The following TEFM variants were observed in gnomAD, a reference collection of about 807,000 sequenced individuals.
The protein encoded by TEFM is transcription elongation factor of mitochondria.
In TEFM, 14 loss-of-function variants were observed where a neutral mutation model predicts 23.0. The observed-to-expected ratio is 0.61, with a 90% CI of 0.40 to 0.95. TEFM has a LOEUF of 0.95. Ranked by LOEUF, TEFM falls within the 40% of genes least tolerant of loss-of-function variation. The pLI is 0.00. For missense variants in TEFM, 386 were observed against 425.5 expected (o/e 0.91, Z 0.82); for synonymous variants, 155 against 158.3 (o/e 0.98, Z 0.16).
At chr17:30,903,572 G>C (rs1910094727) in intron 2 of TEFM, among the ~76,000 whole-genome samples, 1 of 144,214 alleles carries the variant, frequency 6.9e-6, no homozygotes, top group Non-Finnish European at 1.5e-5. Flanking sequence ...AAGATAAAAT[G>C]CTTTTTAAAG....
At chr17:30,901,671 A>G (rs1237255741) in intron 2 of TEFM, among the ~76,000 whole-genome samples, 1 of 152,208 alleles carries the variant, frequency 6.6e-6, no homozygotes, top group Non-Finnish European at 1.5e-5. Flanking sequence ...TATAAAGGTA[A>G]GTAACTTGCT....
rs749862942 is a variant in TEFM at position 30,899,365 on chromosome 17, C to T, written c.887G>A (p.Gly296Glu). Residue 296 changes from glycine to glutamate, a missense_variant, in exon 4 of 4, where the codon GGA becomes GAA. Transcript: ENST00000581216. ...ELMIGDSRTS[G>E]KELVKQFLFD... ...GAGAAACTGCTTCACTAGCTCTTTTCCACTAGTCCGGGAGTCACCAATCAT... is the reference window on the plus strand; with the variant it reads ...GAGAAACTGCTTCACTAGCTCTTTTTCACTAGTCCGGGAGTCACCAATCAT... 6.2e-7 allele frequency: 1 copy of T among 1,614,214 alleles called. No individual in the cohort carries two copies. Among genetic ancestry groups the T allele is most frequent in the Admixed American group, 1.7e-5 (1 of 60,020 alleles).
At chr17:30,899,701 A>T (rs1017225879) in intron 3 of TEFM, 95 bp from the exon 4 acceptor site, 5 of 838,636 alleles carry the variant, frequency 6.0e-6, no homozygotes, top group East Asian at 2.9e-5. Flanking sequence ...AAAATATTAT[A>T]ATTAGTTAAT....
At chr17:30,906,129 G>A in intron 1 of TEFM, 39 bp downstream of exon 1, 1 of 1,473,956 alleles carries the variant, frequency 6.8e-7, no homozygotes, top group Non-Finnish European at 9.0e-7. Flanking sequence ...AGAGGCTAAT[G>A]ACAGACGGGA....
chr17:30,905,957 T>C (rs1164420104), intron 1 of TEFM, among the ~76,000 whole-genome samples: 9 of 152,022 alleles, frequency 5.9e-5, no homozygotes, highest in African/African-American at 2.2e-4. Flanking sequence ...GGAAACACTC[T>C]AGGACATGAG....
chr17:30,904,981 G>A (rs1253774865), intron 1 of TEFM, among the ~76,000 whole-genome samples: 1 of 152,026 alleles, frequency 6.6e-6, no homozygotes, highest in Admixed American at 6.6e-5. Flanking sequence ...CCCGGCCCGA[G>A]AATCATCTTT....
In TEFM at chr17:30,899,201, A is replaced by G; in HGVS notation, c.1051T>C (p.Tyr351His). The G allele has an allele frequency of 6.2e-7, 1 of 1,605,072 alleles. No homozygotes were observed. Among genetic ancestry groups the G allele is most frequent in the Non-Finnish European group, 8.5e-7 (1 of 1,174,538 alleles). Residue 351 changes from tyrosine to histidine, a missense_variant, in exon 4 of 4, where the codon TAT (tyrosine) becomes CAT (histidine). Physicochemically the swap from Tyr to His is moderately conservative, Grantham distance 83. Coordinates refer to ENST00000581216, the MANE Select transcript of TEFM (RefSeq NM_024683.4). ...TGAGAGTCAAACACTGCTAATTCAT[A>G]GAAGGCAATAGCTTGTAATAATGAA... ...YDSLLQAIAFYELAVFDSQP is the reference protein window; with the variant it reads ...YDSLLQAIAFHELAVFDSQP
Position 30,900,559 on chromosome 17 carries a change from CT to C in TEFM, c.498del (p.Val167LeufsTer23). ...AAAACGATAGATATGATACTATTAA[CT>C]GCCTAAAAGAAAAGACTGATTTAAT... is the stretch of plus-strand genomic sequence containing the variant. ...KPDIERERLK[A>X]VNSIISIVFG... On this transcript the variant is annotated frameshift_variant and splice_region_variant, in exon 3 of 4. Coordinates refer to ENST00000581216, the MANE Select transcript of TEFM (RefSeq NM_024683.4). LOFTEE classifies it high-confidence loss of function. 1 of 1,610,888 alleles carries C rather than the reference CT, an allele frequency of 6.2e-7. No homozygotes were observed. Among genetic ancestry groups the C allele is most frequent in the Non-Finnish European group, 8.5e-7 (1 of 1,178,830 alleles).
chr17:30,899,061 A>T lies in TEFM; in HGVS notation c.*108T>A. 1 of 1,120,042 alleles carries T rather than the reference A, an allele frequency of 8.9e-7. No individual in the cohort carries two copies. The highest frequency in any genetic ancestry group is 1.3e-6 in the Non-Finnish European group (1 of 794,838). 69.4% of individuals were successfully genotyped at this position (1,120,042 alleles called of 1,614,324 possible). On this transcript the variant is annotated 3_prime_UTR_variant, in exon 4 of 4. Transcript: ENST00000581216. The stretch of plus-strand genomic sequence containing the variant: ...AATAGCCAAAAGTCAGAATTTAAAC[A>T]TCTAAAATACACTGAAAATGTGTTC...
intron 1 of TEFM, among the ~76,000 whole-genome samples, chr17:30,904,816 C>G (rs1233322665): frequency 2.0e-5 from 3 of 151,716 alleles, no homozygotes. Flanking sequence ...GTGGCTGGGA[C>G]TACAGGCGCC....
rs1275335311 is a variant in TEFM, at chr17:30,899,320, G to A, written c.932C>T (p.Ala311Val). The change falls in exon 4 of 4, where the codon GCG becomes GTG. Residue 311 changes from alanine (A) to valine (V), a missense_variant. Physicochemically the swap from Ala to Val is moderately conservative, Grantham distance 64. Transcript: ENST00000581216. ...KQFLFDSILK[A>V]DPRVFFPSDK... The stretch of plus-strand genomic sequence containing the variant: ...TGATGGGAAGAACACCCGAGGATCC[G>A]CCTTCAGTATAGAATCGAAGAGAAA... 35 of 1,614,192 alleles carry A rather than the reference G, an allele frequency of 2.2e-5. No homozygotes were observed. The highest frequency in any genetic ancestry group is 4.5e-5 in the East Asian group (2 of 44,890).
intron 2 of TEFM, among the ~76,000 whole-genome samples, chr17:30,902,082 T>G (rs1041638957): frequency 6.6e-6 from 1 of 152,172 alleles, no homozygotes; most frequent in Non-Finnish European, 1.5e-5. Flanking sequence ...AGAGGAGATA[T>G]ATAATAAGTA....
At chr17:30,904,868 C>T (rs919305745) in intron 1 of TEFM, among the ~76,000 whole-genome samples, 11 of 151,820 alleles carry the variant, frequency 7.2e-5, no homozygotes, top group African/African-American at 1.5e-4. Flanking sequence ...TTAGTAGAGA[C>T]GGGGTTTCAC....
Position 30,899,159 on chromosome 17 carries a change from C to A in TEFM, c.*10G>T. 1.3e-6 allele frequency: 2 copies of A among 1,563,874 alleles called. No individual in the cohort carries two copies. The highest frequency in any genetic ancestry group is 1.7e-6 in the Non-Finnish European group (2 of 1,154,684). On this transcript the variant is annotated 3_prime_UTR_variant, in exon 4 of 4. Coordinates refer to ENST00000581216, the MANE Select transcript of TEFM (RefSeq NM_024683.4). ...TAATAATTATACTTTAGCACGTTAA[C>A]CTCAGAATTCTAAGGCTGAGAGTCA...
rs778686483 is a variant in TEFM at position 30,905,041 on chromosome 17, T to C, written c.32-512A>G. On this transcript the variant is annotated intron_variant, in intron 1 of 3. Transcript: ENST00000581216. ...TATTATATAGAGTTTTAAATAGAGCTTTTGTTGTTTTCAAGTCACGAGAGA... is the reference window on the plus strand; with the variant it reads ...TATTATATAGAGTTTTAAATAGAGCCTTTGTTGTTTTCAAGTCACGAGAGA... Among the ~76,000 whole-genome samples, 35 of 152,218 alleles carry C rather than the reference T, an allele frequency of 2.3e-4. No homozygotes were observed. The Middle Eastern group carries it at 0.014, about 59-fold the overall frequency.
rs760087934 is a variant in TEFM, at chr17:30,899,523, CAG to C, written c.727_728del (p.Leu243ValfsTer20). 3 of 1,613,388 alleles carry C rather than the reference CAG, an allele frequency of 1.9e-6. No homozygotes were observed. The highest frequency in any genetic ancestry group is 2.2e-5 in the East Asian group (1 of 44,880). ...KTGLSIQNSS[L>X]FPILLHFHIM... Reference sequence around the variant, plus strand: ...TATGAAAATGTAACAGTATTGGAAACAGAGATGAGTTCTGAATGGAAAGTCCT... The same window carrying C: ...TATGAAAATGTAACAGTATTGGAAACAGATGAGTTCTGAATGGAAAGTCCT... On this transcript the variant is annotated frameshift_variant, in exon 4 of 4. Coordinates refer to ENST00000581216, the MANE Select transcript of TEFM (RefSeq NM_024683.4). LOFTEE classifies it high-confidence loss of function.
rs566946748 is a variant in TEFM, at chr17:30,905,640, AGATTT to A, written c.31+523_31+527del. Among the ~76,000 whole-genome samples, 24 of 152,302 alleles carry A rather than the reference AGATTT, an allele frequency of 1.6e-4. No individual in the cohort carries two copies. The East Asian group carries it at 3.3e-3, about 21-fold the overall frequency. Reference sequence around the variant, plus strand: ...ATAAGAAATGTTTCAGCTAAGTGATAGATTTAAGGGCAGTTTTACTTTCTTCCGTA... The same window carrying A: ...ATAAGAAATGTTTCAGCTAAGTGATAAAGGGCAGTTTTACTTTCTTCCGTA... On this transcript the variant is annotated intron_variant, in intron 1 of 3. Coordinates refer to ENST00000581216, the MANE Select transcript of TEFM (RefSeq NM_024683.4).
At chr17:30,904,570 C>A (rs540412908) in intron 1 of TEFM, 41 bp from the exon 2 acceptor site, 3 of 1,493,450 alleles carry the variant, frequency 2.0e-6, no homozygotes, top group Admixed American at 4.1e-5. Context: ...GGATGTCCTA[C>A]TTCCTTTGGG....
chr17:30,903,368 A>C (rs1434720155), intron 2 of TEFM, among the ~76,000 whole-genome samples: 1 of 151,200 alleles, frequency 6.6e-6, no homozygotes, highest in African/African-American at 2.4e-5. Flanking sequence ...CTGGGACTAC[A>C]GGCCCACGCC....
Sources: gnomAD v4.1 joint callset for allele counts (sites outside exome capture counted in the v4.1 genomes callset) on GRCh38, gnomAD v4.1.1 for gene constraint, MANE v1.5 for transcripts, NCBI Gene and HGNC (gene_info 2026-07-23, HGNC 2026-07-21) for gene names.